Variants in ZNF276 observed in about 807,000 individuals in gnomAD.
ZNF276 encodes zinc finger protein 276.
ZNF276 carries 59 observed loss-of-function variants against 63.9 expected under a neutral mutation model. The ratio of observed to expected loss-of-function variants is 0.92; its 90% CI spans 0.75 to 1.15. The LOEUF (loss-of-function observed/expected upper bound fraction) is 1.15. ZNF276 is among the 50% of genes most tolerant of loss of function. The pLI is 0.00. For synonymous variants in ZNF276, 496 were observed against 348.4 expected (o/e 1.42, Z -4.72); for missense variants, 1,084 against 843.8 (o/e 1.28, Z -3.53).
Position 89,723,551 on chromosome 16 carries a change from C to G in ZNF276, c.848C>G (p.Pro283Arg), listed in dbSNP as rs763957922. The G allele has an allele frequency of 8.1e-6, 13 of 1,612,698 alleles. No individual in the cohort carries two copies. In the African/African-American group the frequency reaches 1.7e-4, roughly 22 times the overall value. Reference protein sequence around the residue: ...QHRGWNPGDAPQTSQGRGTGT... With the variant: ...QHRGWNPGDARQTSQGRGTGT... ...CGAGGGTGGAACCCTGGGGATGCCC[C>G]TCAGACCTCCCAGGGTAGAGGGACA... is the stretch of plus-strand genomic sequence containing the variant. Residue 283 changes from proline (P) to arginine (R), a missense_variant, in exon 4 of 11, where the codon CCT (proline) becomes CGT (arginine). By Grantham distance (103) the Pro-to-Arg change is moderately radical (BLOSUM62 -2). Transcript: ENST00000443381.
chr16:89,740,440 A>G lies in ZNF276; in HGVS notation c.*2194A>G, dbSNP rs554353711. On this transcript the variant is annotated 3_prime_UTR_variant, in exon 11 of 11. Transcript: ENST00000443381. ...GGATCACTGAGGCCAGTTCAAGACC[A>G]GCCTGGCAATATGGTGAAACCCCGT... 22 of 458,910 alleles carry G rather than the reference A, an allele frequency of 4.8e-5. No individual in the cohort carries two copies. The highest frequency in any genetic ancestry group is 3.2e-4 in the Admixed American group (9 of 27,698). 28.4% of individuals were successfully genotyped at this position (458,910 alleles called of 1,614,324 possible).
chr16:89,733,211 C>T, intron 6 of ZNF276, 91 bp from the exon 7 acceptor site: 1 of 1,235,348 alleles, frequency 8.1e-7, no homozygotes, highest in Admixed American at 2.0e-5. Flanking sequence ...AGGGAAGCTT[C>T]AGAAAAGACC....
At position 89,723,707 on chromosome 16, in the gene ZNF276, C is replaced by T; in HGVS notation, c.1004C>T (p.Pro335Leu). ...PQPSLPLCRA[P>L]GQLGEKQLPS... ...CCAAGCCTGCCCCTTTGCAGGGCCC[C>T]AGGTAGGAGGCACCTCTTGCTGGTG... The change falls in exon 4 of 11, where the codon CCA (proline) becomes CTA (leucine). Residue 335 changes from proline to leucine, a missense_variant and splice_region_variant. Pro to Leu is a moderately conservative substitution (Grantham distance 98). Transcript: ENST00000443381. 1.2e-6 allele frequency: 2 copies of T among 1,606,934 alleles called. No homozygotes were observed. The highest frequency in any genetic ancestry group is 8.5e-7 in the Non-Finnish European group (1 of 1,176,268).
rs140698234 is a variant in ZNF276, at chr16:89,725,070, C to T, written c.1006+1361C>T. Among the ~76,000 whole-genome samples, 8 of 151,378 alleles carry T rather than the reference C, an allele frequency of 5.3e-5. No individual in the cohort carries two copies. The East Asian group carries it at 7.7e-4, about 15-fold the overall frequency. ...CTGGGATGACAGGCACATGCCACCA[C>T]GCCCACCTAATTTTTGTATTTTTAG... On this transcript the variant is annotated intron_variant, in intron 4 of 10. Coordinates refer to ENST00000443381, the MANE Select transcript of ZNF276 (RefSeq NM_001113525.2).
chr16:89,722,262 A>T (rs970482000), intron 1 of ZNF276, among the ~76,000 whole-genome samples: 12 of 152,282 alleles, frequency 7.9e-5, no homozygotes, highest in Non-Finnish European at 7.4e-5. Context: ...GGTCGCTGGG[A>T]GGAGGGTGCA....
intron 4 of ZNF276, 50 bp downstream of exon 4, chr16:89,723,759 G>C (rs4785590): frequency 0.35 from 543,930 of 1,544,116 alleles, 104,288 homozygotes; most frequent in Non-Finnish European, 0.4. Flanking sequence ...GCTCCTCAGT[G>C]GGGCAGGGTT....
intron 6 of ZNF276, chr16:89,732,900 T>C: frequency 3.5e-6 from 1 of 285,084 alleles, no homozygotes; most frequent in Non-Finnish European, 6.8e-6. Flanking sequence ...CCCTGCGCCC[T>C]CGCCCTCTGC....
chr16:89,723,334 G>A lies in ZNF276; in HGVS notation c.631G>A (p.Gly211Arg), dbSNP rs146286473. 9 of 1,612,862 alleles carry A rather than the reference G, an allele frequency of 5.6e-6. No homozygotes were observed. The African/African-American group carries it at 9.3e-5, about 17-fold the overall frequency. The change falls in exon 4 of 11, where the codon GGG becomes AGG. Residue 211 changes from glycine to arginine, a missense_variant. By Grantham distance (125) the Gly-to-Arg change is moderately radical. Coordinates refer to ENST00000443381, the MANE Select transcript of ZNF276 (RefSeq NM_001113525.2). Reference sequence around the variant, plus strand: ...GGTGCATGGACATGCGGCCAGCTGCGGGGCCCTGCCCCACCTTCAGAGGAC... The same window carrying A: ...GGTGCATGGACATGCGGCCAGCTGCAGGGCCCTGCCCCACCTTCAGAGGAC... Reference protein sequence around the residue: ...GWVHGHAASCGALPHLQRTLS... With the variant: ...GWVHGHAASCRALPHLQRTLS...
In ZNF276 at chr16:89,739,345, G is replaced by A; in HGVS notation, c.*1099G>A. 2 of 1,603,342 alleles carry A rather than the reference G, an allele frequency of 1.2e-6. 1 individual carries two copies. Among genetic ancestry groups the A allele is most frequent in the South Asian group, 2.2e-5 (2 of 90,552 alleles). Reference sequence around the variant, plus strand: ...ACAGACTGCTGGAAAGGTAGCAGGTGATGCCAAGGGATACTGCTCATCTGT... The same window carrying A: ...ACAGACTGCTGGAAAGGTAGCAGGTAATGCCAAGGGATACTGCTCATCTGT... On this transcript the variant is annotated 3_prime_UTR_variant, in exon 11 of 11. Coordinates refer to ENST00000443381, the MANE Select transcript of ZNF276 (RefSeq NM_001113525.2).
In ZNF276 at chr16:89,738,812, G is replaced by A; in HGVS notation, c.*566G>A. ...GTCGAGTTGTATTGCCAGCCAGGCA[G>A]GCACATGGCCCAGGCAGCTGTCAAT... On this transcript the variant is annotated 3_prime_UTR_variant, in exon 11 of 11. Transcript: ENST00000443381. The A allele has an allele frequency of 1.2e-6, 2 of 1,613,946 alleles. No homozygotes were observed. Among genetic ancestry groups the A allele is most frequent in the Non-Finnish European group, 1.7e-6 (2 of 1,179,964 alleles).
chr16:89,733,442 C>T (rs766456755), intron 7 of ZNF276, 30 bp downstream of exon 7: 2 of 1,613,992 alleles, frequency 1.2e-6, no homozygotes, highest in African/African-American at 1.3e-5. Flanking sequence ...GCTCGCCCTG[C>T]CTGTCGGGGC....
In ZNF276 at chr16:89,733,910, C is replaced by A. The variant is rs745460796; in HGVS notation, c.1357-11C>A. On this transcript the variant is annotated splice_polypyrimidine_tract_variant and intron_variant, in intron 8 of 10. Transcript: ENST00000443381. ...CGGCTCTGAGGGTCTCTCACCGAGT[C>A]TCTCCTTCAGAAGCACATCAAGGAG... 1 of 1,612,510 alleles carries A rather than the reference C, an allele frequency of 6.2e-7. No individual in the cohort carries two copies. The highest frequency in any genetic ancestry group is 1.3e-5 in the African/African-American group (1 of 74,896).
upstream of ZNF276, chr16:89,720,676 G>C: frequency 7.9e-7 from 1 of 1,271,298 alleles, no homozygotes; most frequent in Non-Finnish European, 9.9e-7. Flanking sequence ...TCTCCAGCCC[G>C]AGCCGGCCCC....
intron 8 of ZNF276, 99 bp downstream of exon 8, chr16:89,733,656 A>G: frequency 3.6e-6 from 5 of 1,404,310 alleles, no homozygotes; most frequent in Non-Finnish European, 5.0e-6. Context: ...CTTGCGCCCA[A>G]GGACACTTTG....
intron 2 of ZNF276, 23 bp from the exon 3 acceptor site, chr16:89,723,114 A>T (rs1302593979): frequency 6.2e-7 from 1 of 1,613,056 alleles, no homozygotes. Flanking sequence ...TGTCCTGCTC[A>T]TGGCCACACT....
rs1383806921 is a variant in ZNF276 at position 89,739,469 on chromosome 16, T to C, written c.*1223T>C. On this transcript the variant is annotated 3_prime_UTR_variant, in exon 11 of 11. Transcript: ENST00000443381. ...GCCCAGCCCTGACCAGCCCTGTGGG[T>C]GGAGGTACCTGTAAAAAGCGAAAGG... The C allele has an allele frequency of 1.3e-6, 2 of 1,551,190 alleles. No individual in the cohort carries two copies. Among genetic ancestry groups the C allele is most frequent in the Admixed American group, 3.9e-5 (2 of 51,034 alleles).
In ZNF276 at chr16:89,723,554, A is replaced by C. The variant is rs1408446265; in HGVS notation, c.851A>C (p.Gln284Pro). 6.2e-7 allele frequency: 1 copy of C among 1,612,796 alleles called. No individual in the cohort carries two copies. Among genetic ancestry groups the C allele is most frequent in the East Asian group, 2.2e-5 (1 of 44,884 alleles). ...HRGWNPGDAP[Q>P]TSQGRGTGTP... ...GGGTGGAACCCTGGGGATGCCCCTCAGACCTCCCAGGGTAGAGGGACAGGG... is the reference window on the plus strand; with the variant it reads ...GGGTGGAACCCTGGGGATGCCCCTCCGACCTCCCAGGGTAGAGGGACAGGG... Residue 284 changes from glutamine (Q) to proline (P), a missense_variant, in exon 4 of 11, where the codon CAG becomes CCG. By Grantham distance (76) the Gln-to-Pro change is moderately conservative (BLOSUM62 -1). Transcript: ENST00000443381.
Position 89,723,270 on chromosome 16 carries a change from C to T in ZNF276, c.567C>T (p.Ile189=). The part of the protein sequence containing the change: ...AEEGACLVDL[I]TSSPQCLHGL... ...GTTGACTCTCTGCAGTGGATCTGAT[C>T]ACATCCAGCCCCCAGTGCCTGCACG... is the stretch of plus-strand genomic sequence containing the variant. Residue 189 remains isoleucine (I), a synonymous_variant, in exon 4 of 11, where the codon ATC becomes ATT. Transcript: ENST00000443381. 4 of 1,613,080 alleles carry T rather than the reference C, an allele frequency of 2.5e-6. No individual in the cohort carries two copies. Among genetic ancestry groups the T allele is most frequent in the Non-Finnish European group, 3.4e-6 (4 of 1,179,954 alleles).
At chr16:89,720,662 C>G (rs573752822), upstream of ZNF276, 118 of 1,241,018 alleles carry the variant, frequency 9.5e-5, no homozygotes, top group African/African-American at 1.8e-3. Flanking sequence ...CGCCCGCTCC[C>G]AAGTCTCCAG....
Sources: gnomAD v4.1 joint callset for allele counts (sites outside exome capture counted in the v4.1 genomes callset) on GRCh38, gnomAD v4.1.1 for gene constraint, MANE v1.5 for transcripts, NCBI Gene and HGNC (gene_info 2026-07-23, HGNC 2026-07-21) for gene names.